The following CSMD1 variants were observed in gnomAD, a reference collection of about 807,000 sequenced individuals.
CSMD1 encodes the protein CUB and Sushi multiple domains 1, also known as CUB and sushi domain-containing protein 1.
Under a neutral mutation model 417.5 loss-of-function variants are expected in CSMD1, and 213 were observed. The observed-to-expected ratio is 0.51, with a 90% CI of 0.46 to 0.57. The LOEUF (loss-of-function observed/expected upper bound fraction) is 0.57, where lower values mean the gene tolerates loss of function less well. CSMD1 is among the 20% of genes least tolerant of loss of function. The pLI is 0.00. For synonymous variants in CSMD1, 2,862 were observed against 1,736.8 expected (o/e 1.65, Z -16.11); for missense variants, 6,923 against 4,529.7 (o/e 1.53, Z -15.17).
intron 3 of CSMD1, among the ~76,000 whole-genome samples, chr8:4,068,637 G>A (rs1248158625): frequency 6.6e-6 from 1 of 151,978 alleles, no homozygotes; most frequent in Non-Finnish European, 1.5e-5. Flanking sequence ...CCATATCAGT[G>A]GAACTGTGAG....
chr8:4,021,823 A>G (rs1796802825), intron 4 of CSMD1, among the ~76,000 whole-genome samples: 1 of 152,092 alleles, frequency 6.6e-6, no homozygotes, highest in Non-Finnish European at 1.5e-5. Context: ...GAAACTAAAG[A>G]CCCGGGGCTC....
intron 7 of CSMD1, among the ~76,000 whole-genome samples, chr8:3,633,343 C>G (rs1329628907): frequency 6.6e-6 from 1 of 152,146 alleles, no homozygotes; most frequent in African/African-American, 2.4e-5. Flanking sequence ...TGCACTGTGT[C>G]AAAGGTGTCT....
chr8:3,331,920 G>A (rs1397940866), intron 23 of CSMD1, among the ~76,000 whole-genome samples: 1 of 152,130 alleles, frequency 6.6e-6, no homozygotes, highest in South Asian at 2.1e-4. Context: ...GATCATTGTT[G>A]ACAGGTGACT....
chr8:4,619,672 G>C (rs919558441), intron 2 of CSMD1, among the ~76,000 whole-genome samples: 3 of 152,118 alleles, frequency 2.0e-5, no homozygotes, highest in African/African-American at 7.2e-5. Context: ...AAGTGCCAAA[G>C]ATATGTCACT....
intron 5 of CSMD1, among the ~76,000 whole-genome samples, chr8:3,759,411 T>C (rs1434842468): frequency 6.6e-6 from 1 of 152,172 alleles, no homozygotes; most frequent in Non-Finnish European, 1.5e-5. Flanking sequence ...AAACAACCAG[T>C]GACTGAAGAT....
chr8:3,357,768 A>AT (rs200435272), intron 21 of CSMD1, among the ~76,000 whole-genome samples: 5 of 151,916 alleles, frequency 3.3e-5, no homozygotes, highest in East Asian at 1.9e-4. Flanking sequence ...AAAATACCGT[A>AT]TTTTTTTTCT....
Position 2,950,278 on chromosome 8 carries a change from T to A in CSMD1, c.10267A>T (p.Ile3423Phe), listed in dbSNP as rs1361811502. Residue 3423 changes from isoleucine (I) to phenylalanine (F), a missense_variant, in exon 67 of 70, where the codon ATT becomes TTT. Coordinates refer to ENST00000635120, the MANE Select transcript of CSMD1 (RefSeq NM_033225.6). ...KAFQIKGQAD[I>F]FVSKFENDNW... ...TCATTTTCGAACTTGCTTACAAAAA[T>A]ATCTGCCTGGCCTTTAATTTGAAAA... 6.2e-7 allele frequency: 1 copy of A among 1,613,360 alleles called. No individual in the cohort carries two copies. The highest frequency in any genetic ancestry group is 8.5e-7 in the Non-Finnish European group (1 of 1,179,470).
intron 6 of CSMD1, among the ~76,000 whole-genome samples, chr8:3,721,014 G>C (rs1802134935): frequency 1.3e-5 from 2 of 151,912 alleles, no homozygotes; most frequent in South Asian, 2.1e-4. Context: ...GTACAGACGG[G>C]GTTTCACCAT....
intron 61 of CSMD1, 75 bp downstream of exon 61, chr8:2,962,391 G>C: frequency 7.5e-7 from 1 of 1,330,808 alleles, no homozygotes; most frequent in Non-Finnish European, 1.0e-6. Flanking sequence ...AATCACAAAT[G>C]ACCCAATTTC....
At chr8:3,267,317 A>G (rs566622538) in intron 26 of CSMD1, among the ~76,000 whole-genome samples, 14 of 152,346 alleles carry the variant, frequency 9.2e-5, no homozygotes, top group African/African-American at 3.4e-4. Flanking sequence ...CCACTGGGTC[A>G]TATCCCACAA....
chr8:3,954,534 T>C (rs546065909), intron 5 of CSMD1, among the ~76,000 whole-genome samples: 2 of 149,596 alleles, frequency 1.3e-5, no homozygotes, highest in East Asian at 4.7e-4. Flanking sequence ...TCCCAGATAA[T>C]TTTTTTGTAT....
rs563069178 is a variant in CSMD1 at position 4,020,409 on chromosome 8, G to A, written c.610+11496C>T. On this transcript the variant is annotated intron_variant, in intron 4 of 69. Transcript: ENST00000635120. ...TAAACTGACACTGAGCATGACATCT[G>A]TTCAAAATATTTACTTTTTCTATGC... Among the ~76,000 whole-genome samples the A allele has an allele frequency of 1.4e-3, 216 of 152,300 alleles. 1 individual carries two copies. The highest frequency in any genetic ancestry group is 3.8e-3 in the African/African-American group (156 of 41,568).
chr8:4,633,461 G>C (rs1802653419), intron 2 of CSMD1, among the ~76,000 whole-genome samples: 3 of 151,990 alleles, frequency 2.0e-5, no homozygotes, highest in African/African-American at 4.8e-5. Flanking sequence ...GTGTTAGCCA[G>C]GATGGTCTCG....
chr8:3,875,585 G>T lies in CSMD1; in HGVS notation c.819-121543C>A, dbSNP rs145796863. Among the ~76,000 whole-genome samples the T allele has an allele frequency of 4.0e-3, 606 of 152,292 alleles. 3 individuals are homozygous for T. The highest frequency in any genetic ancestry group is 0.014 in the Middle Eastern group (4 of 294). On this transcript the variant is annotated intron_variant, in intron 5 of 69. Coordinates refer to ENST00000635120, the MANE Select transcript of CSMD1 (RefSeq NM_033225.6). Reference sequence around the variant, plus strand: ...TCAGGAGGAATGTTTTATTGGAGAGGAGTCCCATTGTGAGAGGAGGAAGAG... The same window carrying T: ...TCAGGAGGAATGTTTTATTGGAGAGTAGTCCCATTGTGAGAGGAGGAAGAG...
At chr8:4,810,007 A>T (rs939991221) in intron 1 of CSMD1, among the ~76,000 whole-genome samples, 6 of 152,242 alleles carry the variant, frequency 3.9e-5, no homozygotes, top group African/African-American at 1.4e-4. Flanking sequence ...AAGTGAATAT[A>T]TGCCAAGTGC....
Position 4,012,656 on chromosome 8 carries a change from G to A in CSMD1, c.611-14546C>T, listed in dbSNP as rs180730545. On this transcript the variant is annotated intron_variant, in intron 4 of 69. Coordinates refer to ENST00000635120, the MANE Select transcript of CSMD1 (RefSeq NM_033225.6). ...CAGAGTGTCCATCAGTTCCATGAAT[G>A]TCTCCTGAATTCCAGCTTTATGTAT... Among the ~76,000 whole-genome samples the A allele has an allele frequency of 3.5e-3, 536 of 152,202 alleles. 14 individuals carry two copies. The highest frequency in any genetic ancestry group is 0.031 in the Admixed American group (481 of 15,298).
At chr8:3,826,885 C>T (rs1181085876) in intron 5 of CSMD1, among the ~76,000 whole-genome samples, 1 of 152,116 alleles carries the variant, frequency 6.6e-6, no homozygotes, top group Non-Finnish European at 1.5e-5. Flanking sequence ...CTCCTGAGTT[C>T]AACCCATTCT....
chr8:4,785,397 A>G (rs1333320891), intron 1 of CSMD1, among the ~76,000 whole-genome samples: 1 of 152,114 alleles, frequency 6.6e-6, no homozygotes, highest in Non-Finnish European at 1.5e-5. Flanking sequence ...CTCAGTTCAG[A>G]ATCTCTTAGG....
intron 3 of CSMD1, among the ~76,000 whole-genome samples, chr8:4,348,032 A>AG (rs746560914): frequency 5.3e-5 from 8 of 152,186 alleles, no homozygotes; most frequent in Non-Finnish European, 1.0e-4. Context: ...GAGGAAAAAA[A>AG]CAGATTAGTT....
Sources: allele counts gnomAD v4.1 joint callset (sites outside exome capture counted in the v4.1 genomes callset), GRCh38; gene constraint gnomAD v4.1.1; transcripts MANE v1.5; gene names NCBI Gene and HGNC (gene_info 2026-07-23, HGNC 2026-07-21).